Variants in GRID1 observed in about 807,000 individuals in gnomAD.
GRID1 encodes the protein glutamate ionotropic receptor delta type subunit 1, also known as glutamate receptor ionotropic, delta-1.
GRID1 carries 28 observed loss-of-function variants against 98.0 expected under a neutral mutation model. The observed-to-expected ratio is 0.29, with a 90% CI of 0.21 to 0.39. GRID1 has a LOEUF of 0.39. Among genes scored for constraint, GRID1 ranks in the 10% least tolerant of loss-of-function variants. The pLI, the probability that GRID1 is intolerant of heterozygous loss-of-function variation, is 1.00. For missense variants in GRID1, 1,111 were observed against 1,340.5 expected (o/e 0.83, Z 2.67); for synonymous variants, 553 against 538.5 (o/e 1.03, Z -0.37).
At chr10:85,664,503 G>C (rs1016084261) in intron 12 of GRID1, among the ~76,000 whole-genome samples, 1 of 152,158 alleles carries the variant, frequency 6.6e-6, no homozygotes, top group Admixed American at 6.5e-5. Context: ...ATGTCTGAAT[G>C]TATTTATGTC....
intron 8 of GRID1, among the ~76,000 whole-genome samples, chr10:85,798,128 G>A (rs1316921548): frequency 1.3e-5 from 2 of 152,138 alleles, no homozygotes; most frequent in Non-Finnish European, 2.9e-5. Flanking sequence ...TATATACCCA[G>A]CAATGGGATT....
chr10:86,108,022 GT>G (rs1844419014), intron 4 of GRID1, among the ~76,000 whole-genome samples: 4 of 152,218 alleles, frequency 2.6e-5, no homozygotes, highest in Admixed American at 1.3e-4. Flanking sequence ...GTGCGACAAG[GT>G]AGAGGGTCTA....
At chr10:85,807,450 C>A (rs964813721) in intron 8 of GRID1, among the ~76,000 whole-genome samples, 5 of 151,174 alleles carry the variant, frequency 3.3e-5, no homozygotes, top group Non-Finnish European at 4.4e-5. Context: ...AAGAATGATA[C>A]GAATATATGA....
intron 12 of GRID1, among the ~76,000 whole-genome samples, chr10:85,713,329 G>A (rs892767237): frequency 2.0e-5 from 3 of 151,720 alleles, no homozygotes; most frequent in Non-Finnish European, 3.0e-5. Context: ...TTCTAGAAAC[G>A]TACAACCTAC....
At chr10:85,806,909 T>C (rs1842627646) in intron 8 of GRID1, among the ~76,000 whole-genome samples, 1 of 152,150 alleles carries the variant, frequency 6.6e-6, no homozygotes, top group African/African-American at 2.4e-5. Flanking sequence ...GCAATCAAAA[T>C]GGGTGCACTT....
intron 12 of GRID1, among the ~76,000 whole-genome samples, chr10:85,720,088 T>C (rs1235189212): frequency 1.3e-5 from 2 of 152,164 alleles, no homozygotes; most frequent in East Asian, 3.8e-4. Context: ...AGGATAATAG[T>C]AAATGGTTAC....
intron 8 of GRID1, among the ~76,000 whole-genome samples, chr10:85,816,573 A>AT (rs1344403031): frequency 1.3e-5 from 2 of 152,222 alleles, no homozygotes; most frequent in Non-Finnish European, 2.9e-5. Context: ...TTTTAGGGTG[A>AT]TGGAACTATT....
In GRID1 at chr10:86,151,213, G is replaced by C. The variant is rs570722881; in HGVS notation, c.521-12189C>G. Reference sequence around the variant, plus strand: ...GTGGGAAGGGATGAGAAGGAGGCAGGTTTGCAAACCCCATCATGTTTGCAA... The same window carrying C: ...GTGGGAAGGGATGAGAAGGAGGCAGCTTTGCAAACCCCATCATGTTTGCAA... On this transcript the variant is annotated intron_variant, in intron 3 of 15. Transcript: ENST00000327946. 5.3e-5 allele frequency among the ~76,000 whole-genome samples: 8 copies of C among 152,244 alleles called. No individual in the cohort carries two copies. In the South Asian group the frequency reaches 1.7e-3, roughly 32 times the overall value.
intron 13 of GRID1, among the ~76,000 whole-genome samples, chr10:85,620,564 A>T (rs1842846577): frequency 6.6e-6 from 1 of 152,156 alleles, no homozygotes; most frequent in South Asian, 2.1e-4. Flanking sequence ...CTGCGGAGTA[A>T]TGGTGACTTA....
intron 12 of GRID1, among the ~76,000 whole-genome samples, chr10:85,688,716 T>C (rs955913791): frequency 2.0e-5 from 3 of 152,206 alleles, no homozygotes; most frequent in African/African-American, 7.2e-5. Flanking sequence ...TGGATGGTGG[T>C]GCTCTTCCAC....
chr10:86,151,336 A>G lies in GRID1; in HGVS notation c.521-12312T>C, dbSNP rs147585420. ...TTACCAGAGTATGCCCATTTCACAG[A>G]TAAGTCACTGGCTCAGAACAGAGCT... On this transcript the variant is annotated intron_variant, in intron 3 of 15. Coordinates refer to ENST00000327946, the MANE Select transcript of GRID1 (RefSeq NM_017551.3). Among the ~76,000 whole-genome samples, 431 of 152,210 alleles carry G rather than the reference A, an allele frequency of 2.8e-3. 4 individuals are homozygous for G. The highest frequency in any genetic ancestry group is 9.9e-3 in the African/African-American group (413 of 41,546).
intron 8 of GRID1, among the ~76,000 whole-genome samples, chr10:85,750,330 G>T (rs894091249): frequency 6.6e-6 from 1 of 152,110 alleles, no homozygotes; most frequent in Admixed American, 6.6e-5. Flanking sequence ...GAAGAATTTG[G>T]TCACCTGATC....
At chr10:85,667,137 T>A (rs1164200158) in intron 12 of GRID1, among the ~76,000 whole-genome samples, 1 of 152,144 alleles carries the variant, frequency 6.6e-6, no homozygotes, top group Non-Finnish European at 1.5e-5. Context: ...CTCTCTGCGG[T>A]TATGTGATTG....
chr10:86,083,333 C>T (rs920588126), intron 4 of GRID1, among the ~76,000 whole-genome samples: 11 of 152,258 alleles, frequency 7.2e-5, no homozygotes, highest in Admixed American at 3.9e-4. Context: ...GAGCTCCATG[C>T]CATCGTTTCC....
At chr10:85,856,455 T>C (rs1843110851) in intron 6 of GRID1, among the ~76,000 whole-genome samples, 1 of 152,152 alleles carries the variant, frequency 6.6e-6, no homozygotes, top group African/African-American at 2.4e-5. Context: ...TATCTGTAGC[T>C]GATTGAGATG....
intron 4 of GRID1, among the ~76,000 whole-genome samples, chr10:85,986,527 A>G (rs1384948571): frequency 6.6e-6 from 1 of 152,186 alleles, no homozygotes; most frequent in Non-Finnish European, 1.5e-5. Flanking sequence ...CAGCAGCAGG[A>G]AGGAGCCTGC....
chr10:86,362,181 T>C (rs1020910031), intron 2 of GRID1, among the ~76,000 whole-genome samples: 2 of 152,174 alleles, frequency 1.3e-5, no homozygotes, highest in Non-Finnish European at 2.9e-5. Context: ...TCAACAGAGA[T>C]GGGGTTTGTG....
intron 3 of GRID1, among the ~76,000 whole-genome samples, chr10:86,148,846 A>G (rs1845122234): frequency 6.6e-6 from 1 of 152,250 alleles, no homozygotes; most frequent in Non-Finnish European, 1.5e-5. Flanking sequence ...AGGGGTGCAC[A>G]GAATAAGCAC....
intron 5 of GRID1, among the ~76,000 whole-genome samples, chr10:85,874,096 A>G (rs1187915119): frequency 6.6e-6 from 1 of 152,072 alleles, no homozygotes; most frequent in East Asian, 1.9e-4. Context: ...TGTCTTGTGC[A>G]TGTGTCTTGG....
Sources: allele counts gnomAD v4.1 joint callset (sites outside exome capture counted in the v4.1 genomes callset), GRCh38; gene constraint gnomAD v4.1.1; transcripts MANE v1.5; gene names NCBI Gene and HGNC (gene_info 2026-07-23, HGNC 2026-07-21).